REXO2: variants seen among roughly 807,000 people sequenced by gnomAD.
The protein encoded by REXO2 is RNA exonuclease 2.
A neutral mutation model predicts 30.9 loss-of-function variants in REXO2; 17 were observed. The observed-to-expected ratio is 0.55, with a 90% CI of 0.38 to 0.82. The LOEUF (loss-of-function observed/expected upper bound fraction) is 0.82. Ranked by LOEUF, REXO2 falls within the 40% of genes least tolerant of loss-of-function variation. REXO2 has a pLI of 0.00. For missense variants in REXO2, 253 were observed against 293.2 expected, an observed-to-expected ratio of 0.86 and a Z score of 1.00; for synonymous variants, 105 against 99.6, an observed-to-expected ratio of 1.05 and a Z score of -0.32.
chr11:114,439,623 C>A lies in REXO2; in HGVS notation c.95C>A (p.Ala32Asp). The A allele has an allele frequency of 6.2e-7, 1 of 1,602,394 alleles. No homozygotes were observed. Residue 32 changes from alanine to aspartate, a missense_variant, in exon 1 of 7, where the codon GCC becomes GAC. Coordinates refer to ENST00000265881, the MANE Select transcript of REXO2 (RefSeq NM_015523.4). Reference protein sequence around the residue: ...GARGVREGGAAMAAGESMAQR... With the variant: ...GARGVREGGADMAAGESMAQR... ...CGAGGTGTCCGCGAAGGTGGCGCAG[C>A]CATGGCGGCAGGGGAGAGCATGGCT... is the stretch of plus-strand genomic sequence containing the variant.
intron 1 of REXO2, 22 bp downstream of exon 1, chr11:114,439,697 C>T (rs1946461671): frequency 1.4e-6 from 2 of 1,466,794 alleles, no homozygotes; most frequent in South Asian, 2.8e-5. Flanking sequence ...CGGCGGGGGG[C>T]TTGGGGAGGC....
At chr11:114,440,080 T>C in intron 1 of REXO2, 1 of 475,066 alleles carries the variant, frequency 2.1e-6, no homozygotes, top group Non-Finnish European at 4.2e-6. Context: ...CGGAGATGAC[T>C]CAGCCTTACC....
intron 2 of REXO2, among the ~76,000 whole-genome samples, chr11:114,443,578 A>C (rs1368194453): frequency 6.6e-6 from 1 of 151,990 alleles, no homozygotes; most frequent in Non-Finnish European, 1.5e-5. Flanking sequence ...TCTAGCTATT[A>C]ATAAATAGCT....
chr11:114,443,850 C>A lies in REXO2; in HGVS notation c.232-6C>A. 2 of 1,601,362 alleles carry A rather than the reference C, an allele frequency of 1.2e-6. No homozygotes were observed. The highest frequency in any genetic ancestry group is 1.7e-6 in the Non-Finnish European group (2 of 1,172,980). The stretch of plus-strand genomic sequence containing the variant: ...CTTGGTGACTGATGGCGTTTCCCAT[C>A]CACAGGGTCCTAACCTGATTATAAA... On this transcript the variant is annotated splice_polypyrimidine_tract_variant and splice_region_variant and intron_variant, in intron 2 of 6. Coordinates refer to ENST00000265881, the MANE Select transcript of REXO2 (RefSeq NM_015523.4).
chr11:114,447,438 AAAG>A (rs570815893), intron 5 of REXO2, among the ~76,000 whole-genome samples: 224 of 152,308 alleles, frequency 1.5e-3, no homozygotes, highest in African/African-American at 5.0e-3. Context: ...GTTCAAATAA[AAAG>A]GAGAAGAAGA....
chr11:114,439,593 G>A lies in REXO2; in HGVS notation c.65G>A (p.Gly22Glu). Reference sequence around the variant, plus strand: ...GTAGGTGGGAGTCACGGACGGTTCGGGGCCCGAGGTGTCCGCGAAGGTGGC... The same window carrying A: ...GTAGGTGGGAGTCACGGACGGTTCGAGGCCCGAGGTGTCCGCGAAGGTGGC... ...RGVGGSHGRF[G>E]ARGVREGGAA... Residue 22 changes from glycine to glutamate, a missense_variant, in exon 1 of 7, where the codon GGG (glycine) becomes GAG (glutamate). By Grantham distance (98) the Gly-to-Glu change is moderately conservative. Transcript: ENST00000265881. 6.2e-7 allele frequency: 1 copy of A among 1,608,462 alleles called. No homozygotes were observed. Among genetic ancestry groups the A allele is most frequent in the Non-Finnish European group, 8.5e-7 (1 of 1,178,816 alleles).
At position 114,440,688 on chromosome 11, in the gene REXO2, T is replaced by A. The variant is rs1445611513; in HGVS notation, c.180T>A (p.Ile60=). Residue 60 remains isoleucine (I), a synonymous_variant, in exon 2 of 7, where the codon ATT becomes ATA. Coordinates refer to ENST00000265881, the MANE Select transcript of REXO2 (RefSeq NM_015523.4). Reference sequence around the variant, plus strand: ...GATTGGACATTGAGAAGGACCAGATTATTGAGATGGCCTGTCTGATAACTG... The same window carrying A: ...GATTGGACATTGAGAAGGACCAGATAATTGAGATGGCCTGTCTGATAACTG... ...MTGLDIEKDQ[I]IEMACLITDS... The A allele has an allele frequency of 6.2e-7, 1 of 1,613,886 alleles. No homozygotes were observed. The highest frequency in any genetic ancestry group is 8.5e-7 in the Non-Finnish European group (1 of 1,179,838).
At chr11:114,444,338 C>A in intron 3 of REXO2, 1 of 634,138 alleles carries the variant, frequency 1.6e-6, no homozygotes. Context: ...TATTAACAGT[C>A]AGGATCATAA....
In REXO2 at chr11:114,440,746, G is replaced by A; in HGVS notation, c.231+7G>A. The A allele has an allele frequency of 6.3e-7, 1 of 1,594,656 alleles. No individual in the cohort carries two copies. Among genetic ancestry groups the A allele is most frequent in the Non-Finnish European group, 8.6e-7 (1 of 1,162,544 alleles). On this transcript the variant is annotated splice_region_variant and intron_variant, in intron 2 of 6. Transcript: ENST00000265881. The stretch of plus-strand genomic sequence containing the variant: ...TCTCAACATTTTGGCTGAAGTACGT[G>A]ATGCCATGTAATACAGTCATACTTT...
At position 114,439,476 on chromosome 11, in the gene REXO2, G is replaced by T; in HGVS notation, c.-53G>T. The T allele has an allele frequency of 6.3e-7, 1 of 1,589,618 alleles. No homozygotes were observed. Among genetic ancestry groups the T allele is most frequent in the Non-Finnish European group, 8.5e-7 (1 of 1,175,070 alleles). ...GTTTGCGACGTTTAGCGACTATTGCGCCTGCGCCAGCGCCGGCTGCGAGAC... is the reference window on the plus strand; with the variant it reads ...GTTTGCGACGTTTAGCGACTATTGCTCCTGCGCCAGCGCCGGCTGCGAGAC... On this transcript the variant is annotated 5_prime_UTR_variant, in exon 1 of 7. Coordinates refer to ENST00000265881, the MANE Select transcript of REXO2 (RefSeq NM_015523.4).
At chr11:114,443,416 C>T (rs1946492968) in intron 2 of REXO2, among the ~76,000 whole-genome samples, 1 of 151,840 alleles carries the variant, frequency 6.6e-6, no homozygotes. Flanking sequence ...AGACACTTTT[C>T]AAAATGAACT....
chr11:114,441,018 C>T, intron 2 of REXO2: 1 of 281,640 alleles, frequency 3.6e-6, no homozygotes, highest in Non-Finnish European at 6.6e-6. Context: ...ATGCCAGCTA[C>T]AGTTTCTGTG....
At position 114,446,000 on chromosome 11, in the gene REXO2, A is replaced by T; in HGVS notation, c.443A>T (p.Lys148Met). 6.2e-7 allele frequency: 1 copy of T among 1,601,120 alleles called. No individual in the cohort carries two copies. The highest frequency in any genetic ancestry group is 8.6e-7 in the Non-Finnish European group (1 of 1,168,682). The change falls in exon 5 of 7, where the codon AAG becomes ATG. Residue 148 changes from lysine to methionine, a missense_variant. Coordinates refer to ENST00000265881, the MANE Select transcript of REXO2 (RefSeq NM_015523.4). The part of the protein sequence containing the change: ...PLAGNSVHED[K>M]KFLDKYMPQF... ...CTAGGAAATTCAGTTCATGAAGATA[A>T]GAAGTTTCTTGACAAATACATGCCC...
rs763887195 is a variant in REXO2, at chr11:114,447,836, C to A, written c.541C>A (p.Pro181Thr). 8.1e-6 allele frequency: 13 copies of A among 1,613,568 alleles called. No homozygotes were observed. Among genetic ancestry groups the A allele is most frequent in the East Asian group, 2.2e-5 (1 of 44,852 alleles). ...TVKELCRRWYPEEYEFAPKKA... is the reference protein window; with the variant it reads ...TVKELCRRWYTEEYEFAPKKA... The stretch of plus-strand genomic sequence containing the variant: ...TTCTGCTGTGTATAGACGCTGGTAT[C>A]CAGAAGAATATGAATTTGCACCAAA... The change falls in exon 6 of 7, where the codon CCA (proline) becomes ACA (threonine). Residue 181 changes from proline (P) to threonine (T), a missense_variant. Coordinates refer to ENST00000265881, the MANE Select transcript of REXO2 (RefSeq NM_015523.4).
chr11:114,446,545 TG>T (rs1192472314), intron 5 of REXO2, among the ~76,000 whole-genome samples: 1 of 152,120 alleles, frequency 6.6e-6, no homozygotes, highest in Non-Finnish European at 1.5e-5. Flanking sequence ...GCAAGAGGAA[TG>T]GGGAGTCAGA....
Position 114,449,933 on chromosome 11 carries a change from G to A in REXO2, c.672G>A (p.Arg224=). 1.9e-6 allele frequency: 3 copies of A among 1,607,908 alleles called. No individual in the cohort carries two copies. Among genetic ancestry groups the A allele is most frequent in the South Asian group, 2.2e-5 (2 of 90,074 alleles). ...IFKKKIDEKK[R]KIIENGENEK... ...AGAAAAAAATAGATGAAAAGAAGAG[G>A]AAAATTATAGAAAATGGGGAAAATG... Residue 224 remains arginine, a synonymous_variant, in exon 7 of 7, where the codon AGG becomes AGA. Transcript: ENST00000265881.
chr11:114,446,042 T>C lies in REXO2; in HGVS notation c.485T>C (p.Leu162Pro). ...DKYMPQFMKH[L>P]HYRIIDVSTV... ...TACATGCCCCAGTTCATGAAACATC[T>C]TCATTATAGAATAATTGATGTGAGC... Residue 162 changes from leucine to proline, a missense_variant, in exon 5 of 7, where the codon CTT becomes CCT. Leu to Pro is a moderately conservative substitution (Grantham distance 98). Coordinates refer to ENST00000265881, the MANE Select transcript of REXO2 (RefSeq NM_015523.4). The C allele has an allele frequency of 6.2e-7, 1 of 1,608,654 alleles. No individual in the cohort carries two copies. Among genetic ancestry groups the C allele is most frequent in the Non-Finnish European group, 8.5e-7 (1 of 1,176,176 alleles).
chr11:114,443,116 T>C (rs1946490054), intron 2 of REXO2, among the ~76,000 whole-genome samples: 1 of 134,560 alleles, frequency 7.4e-6, no homozygotes, highest in African/African-American at 2.6e-5. Flanking sequence ...ATATAGATAC[T>C]TTTTTTTTTT....
intron 2 of REXO2, chr11:114,441,918 C>G (rs940647267): frequency 3.4e-6 from 2 of 595,138 alleles, no homozygotes; most frequent in African/African-American, 1.9e-5. Flanking sequence ...TTGTTTTTTT[C>G]TGTTACTTGG....
Sources: allele counts gnomAD v4.1 joint callset (sites outside exome capture counted in the v4.1 genomes callset), GRCh38; gene constraint gnomAD v4.1.1; transcripts MANE v1.5; gene names NCBI Gene and HGNC (gene_info 2026-07-23, HGNC 2026-07-21).